Variants in ANKRD35 observed in about 807,000 individuals in gnomAD.
ANKRD35 encodes the protein ankyrin repeat domain-containing protein 35.
ANKRD35 carries 102 observed loss-of-function variants against 109.9 expected under a neutral mutation model. The ratio of observed to expected loss-of-function variants is 0.93; its 90% CI spans 0.79 to 1.09. The LOEUF (loss-of-function observed/expected upper bound fraction) is 1.09, where lower values mean the gene tolerates loss of function less well. Among genes scored for constraint, ANKRD35 ranks in the 50% least tolerant of loss-of-function variants. The pLI, the probability that ANKRD35 is intolerant of heterozygous loss-of-function variation, is 0.00. For synonymous variants in ANKRD35, 515 were observed against 512.4 expected, an observed-to-expected ratio of 1.01 and a Z score of -0.07; for missense variants, 1,240 against 1,230.1, an observed-to-expected ratio of 1.01 and a Z score of -0.12.
intron 1 of ANKRD35, among the ~76,000 whole-genome samples, chr1:145,882,341 G>T (rs1199019682): frequency 7.1e-6 from 1 of 140,380 alleles, no homozygotes; most frequent in Non-Finnish European, 1.5e-5. Context: ...TTGTTGCCCA[G>T]GCTGAAGTGC....
At chr1:145,868,171 C>G in intron 11 of ANKRD35, 115 bp from the exon 12 acceptor site, 3 of 1,444,204 alleles carry the variant, frequency 2.1e-6, no homozygotes, top group Non-Finnish European at 2.9e-6. Flanking sequence ...CATCACTGGC[C>G]CATCCTGGAC....
intron 1 of ANKRD35, among the ~76,000 whole-genome samples, chr1:145,885,398 G>A (rs1046401362): frequency 1.3e-5 from 2 of 152,062 alleles, no homozygotes; most frequent in African/African-American, 4.8e-5. Flanking sequence ...GGTACTGGGA[G>A]ACGGAGCAGA....
chr1:145,877,718 G>T lies in ANKRD35; in HGVS notation c.324+250C>A, dbSNP rs587723709. 3.5e-3 allele frequency among the ~76,000 whole-genome samples: 536 copies of T among 152,216 alleles called. 1 individual carries two copies. The highest frequency in any genetic ancestry group is 6.8e-3 in the Middle Eastern group (2 of 294). ...ATCATAGCAGGAAGTCTCTGCAGTGGCTCTGCTAATGACAAAATCGATAGT... is the reference window on the plus strand; with the variant it reads ...ATCATAGCAGGAAGTCTCTGCAGTGTCTCTGCTAATGACAAAATCGATAGT... On this transcript the variant is annotated intron_variant, in intron 4 of 13. Transcript: ENST00000355594.
rs781784699 is a variant in ANKRD35 at position 145,885,739 on chromosome 1, CAGG to C, written c.17_19del (p.Ser6del). ...ACCTACCGCCACCTGTGTGCTGGAGCAGGAGAAGATACGCTTCATGGCCGGGGT... is the reference window on the plus strand; with the variant it reads ...ACCTACCGCCACCTGTGTGCTGGAGCAGAAGATACGCTTCATGGCCGGGGT... On this transcript the variant is annotated inframe_deletion, in exon 1 of 14. Transcript: ENST00000355594. The C allele has an allele frequency of 9.9e-6, 16 of 1,613,978 alleles. No homozygotes were observed. Among genetic ancestry groups the C allele is most frequent in the African/African-American group, 1.3e-5 (1 of 74,906 alleles).
At chr1:145,875,966 C>G (rs1164631282) in intron 7 of ANKRD35, among the ~76,000 whole-genome samples, 174 bp downstream of exon 7, 1 of 152,128 alleles carries the variant, frequency 6.6e-6, no homozygotes. Flanking sequence ...GTGGTGGCAG[C>G]AGGCAGAGCT....
chr1:145,867,459 G>A, intron 12 of ANKRD35, 67 bp from the exon 13 acceptor site: 2 of 1,391,198 alleles, frequency 1.4e-6, no homozygotes, highest in Non-Finnish European at 2.0e-6. Flanking sequence ...AGGTGAGGGA[G>A]AGGTTCTGTG....
At chr1:145,879,178 C>CCTGGT (rs1363178490) in intron 2 of ANKRD35, 80 bp downstream of exon 2, 1 of 1,407,198 alleles carries the variant, frequency 7.1e-7, no homozygotes, top group Non-Finnish European at 9.3e-7. Flanking sequence ...GTAGGCATTC[C>CCTGGT]CTGGTCCTAT....
In ANKRD35 at chr1:145,876,255, A is replaced by G. The variant is rs1455103458; in HGVS notation, c.454-9T>C. The G allele has an allele frequency of 1.2e-6, 2 of 1,607,138 alleles. No homozygotes were observed. The highest frequency in any genetic ancestry group is 1.7e-5 in the Admixed American group (1 of 59,766). On this transcript the variant is annotated splice_polypyrimidine_tract_variant and intron_variant, in intron 6 of 13. Transcript: ENST00000355594. Reference sequence around the variant, plus strand: ...AGGGGTGTACGTCCATCCTGCACAGATTGTAGGAAGAGGTTCATGAGCAGC... The same window carrying G: ...AGGGGTGTACGTCCATCCTGCACAGGTTGTAGGAAGAGGTTCATGAGCAGC...
chr1:145,879,398 A>T lies in ANKRD35; in HGVS notation c.40-10T>A. 4 of 1,542,674 alleles carry T rather than the reference A, an allele frequency of 2.6e-6. No individual in the cohort carries two copies. The highest frequency in any genetic ancestry group is 3.5e-6 in the Non-Finnish European group (4 of 1,141,672). On this transcript the variant is annotated splice_polypyrimidine_tract_variant and intron_variant, in intron 1 of 13. Transcript: ENST00000355594. ...GGTTCCATCTCTCCACCTGGTCCAG[A>T]GCCACAGGTTGTGTGAATATAGGGC...
intron 13 of ANKRD35, among the ~76,000 whole-genome samples, chr1:145,867,034 C>A (rs958282721): frequency 6.6e-6 from 1 of 152,098 alleles, no homozygotes; most frequent in East Asian, 1.9e-4. Flanking sequence ...CATCTCCCTA[C>A]CCCAGACCCA....
At position 145,877,960 on chromosome 1, in the gene ANKRD35, G is replaced by C; in HGVS notation, c.324+8C>G. 6.2e-7 allele frequency: 1 copy of C among 1,613,572 alleles called. No homozygotes were observed. The highest frequency in any genetic ancestry group is 8.5e-7 in the Non-Finnish European group (1 of 1,179,546). ...TTCATAAGAGTGGTATCAAGGGACT[G>C]CTCTTACCTGAAGCAGAACCTTAAC... is the stretch of plus-strand genomic sequence containing the variant. On this transcript the variant is annotated splice_region_variant and intron_variant, in intron 4 of 13. Transcript: ENST00000355594.
chr1:145,876,362 G>T, intron 6 of ANKRD35, 116 bp from the exon 7 acceptor site: 2 of 1,168,170 alleles, frequency 1.7e-6, no homozygotes, highest in Non-Finnish European at 2.5e-6. Flanking sequence ...CAGATCTTGG[G>T]TCTGAACACT....
In ANKRD35 at chr1:145,874,149, T is replaced by A. The variant is rs1553739619; in HGVS notation, c.783+6A>T. Reference sequence around the variant, plus strand: ...AAGCAAAAGGGGGAGGCACTTAGGGTCTTACCTGGGATGCGAGATCTGGGT... The same window carrying A: ...AAGCAAAAGGGGGAGGCACTTAGGGACTTACCTGGGATGCGAGATCTGGGT... On this transcript the variant is annotated splice_donor_region_variant and intron_variant, in intron 9 of 13. Coordinates refer to ENST00000355594, the MANE Select transcript of ANKRD35 (RefSeq NM_144698.5). 6.2e-7 allele frequency: 1 copy of A among 1,613,992 alleles called. No homozygotes were observed. The highest frequency in any genetic ancestry group is 8.5e-7 in the Non-Finnish European group (1 of 1,179,970).
In ANKRD35 at chr1:145,872,717, C is replaced by A. The variant is rs1377445243; in HGVS notation, c.2052G>T (p.Lys684Asn). 19 of 1,614,022 alleles carry A rather than the reference C, an allele frequency of 1.2e-5. No homozygotes were observed. The highest frequency in any genetic ancestry group is 1.6e-5 in the Non-Finnish European group (19 of 1,180,014). The change falls in exon 10 of 14, where the codon AAG becomes AAT. Residue 684 changes from lysine to asparagine, a missense_variant. Transcript: ENST00000355594. ...GCTTCCGCAGCTTCTCTGTGGCCTC[C>A]TTCTCCATGGCCAGTTCATTTGTCA... ...GLLTNELAME[K>N]EATEKLRKLL...
At chr1:145,868,426 C>G (rs782329539) in intron 10 of ANKRD35, 26 bp from the exon 11 acceptor site, 2 of 1,605,098 alleles carry the variant, frequency 1.2e-6, no homozygotes, top group African/African-American at 1.3e-5. Context: ...AAGAGGCAAC[C>G]AATGAGGCTC....
rs376134559 is a variant in ANKRD35, at chr1:145,885,752, G to A, written c.7C>T (p.Arg3Cys). The stretch of plus-strand genomic sequence containing the variant: ...TGTGTGCTGGAGCAGGAGAAGATAC[G>A]CTTCATGGCCGGGGTCGGGGCCACG... MK[R>C]IFSCSSTQVA... Residue 3 changes from arginine to cysteine, a missense_variant, in exon 1 of 14, where the codon CGT (arginine) becomes TGT (cysteine). Arg to Cys is a radical substitution (Grantham distance 180). Transcript: ENST00000355594. The A allele has an allele frequency of 1.1e-5, 17 of 1,613,928 alleles. No homozygotes were observed. The highest frequency in any genetic ancestry group is 6.7e-5 in the Admixed American group (4 of 60,002).
Position 145,869,139 on chromosome 1 carries a change from C to T in ANKRD35, c.2788-739G>A, listed in dbSNP as rs782294329. The stretch of plus-strand genomic sequence containing the variant: ...TTTAAAAAAAAAACAGCTTTTCTTC[C>T]GGGAGGAACAATACTTCTCTGAAGG... On this transcript the variant is annotated intron_variant, in intron 10 of 13. Coordinates refer to ENST00000355594, the MANE Select transcript of ANKRD35 (RefSeq NM_144698.5). Among the ~76,000 whole-genome samples the T allele has an allele frequency of 4.6e-5, 7 of 151,054 alleles. No homozygotes were observed. The South Asian group carries it at 6.3e-4, about 14-fold the overall frequency.
At chr1:145,882,273 T>G (rs1654320493) in intron 1 of ANKRD35, among the ~76,000 whole-genome samples, 1 of 145,076 alleles carries the variant, frequency 6.9e-6, no homozygotes, top group Non-Finnish European at 1.5e-5. Context: ...TCTTTTTATT[T>G]CTTTTTTCTT....
intron 1 of ANKRD35, among the ~76,000 whole-genome samples, chr1:145,880,971 G>A (rs1206109494): frequency 6.6e-6 from 1 of 152,158 alleles, no homozygotes; most frequent in Non-Finnish European, 1.5e-5. Flanking sequence ...TCACGAAAAA[G>A]AGTGGCAAAA....
Sources: gnomAD v4.1 joint callset for allele counts (sites outside exome capture counted in the v4.1 genomes callset) on GRCh38, gnomAD v4.1.1 for gene constraint, MANE v1.5 for transcripts, NCBI Gene and HGNC (gene_info 2026-07-23, HGNC 2026-07-21) for gene names.